Variants in LRRTM4 observed in about 807,000 individuals in gnomAD.
LRRTM4 encodes the protein leucine rich repeat transmembrane neuronal 4, also known as leucine-rich repeat transmembrane neuronal protein 4.
Under a neutral mutation model 47.6 loss-of-function variants are expected in LRRTM4, and 25 were observed. The observed-to-expected ratio is 0.53, with a 90% CI of 0.38 to 0.73. LRRTM4 has a LOEUF of 0.73. Ranked by LOEUF, LRRTM4 falls within the 30% of genes least tolerant of loss-of-function variation. The pLI, the probability that LRRTM4 is intolerant of heterozygous loss-of-function variation, is 0.00. For missense variants in LRRTM4, 638 were observed against 713.4 expected (o/e 0.89, Z 1.20); for synonymous variants, 311 against 269.5 (o/e 1.15, Z -1.51).
chr2:77,393,581 A>G (rs1673587464), intron 3 of LRRTM4, among the ~76,000 whole-genome samples: 2 of 152,108 alleles, frequency 1.3e-5, no homozygotes, highest in South Asian at 4.1e-4. Context: ...TTTATCCGGA[A>G]GGCTCTGGGG....
intron 3 of LRRTM4, among the ~76,000 whole-genome samples, chr2:77,265,043 T>C (rs1200957520): frequency 1.3e-5 from 2 of 152,094 alleles, no homozygotes; most frequent in African/African-American, 2.4e-5. Flanking sequence ...CTTTTGTAAG[T>C]TGAGAAAGCC....
intron 3 of LRRTM4, among the ~76,000 whole-genome samples, chr2:76,905,644 G>C (rs982431235): frequency 1.1e-5 from 1 of 92,188 alleles, no homozygotes; most frequent in Admixed American, 1.4e-4. Context: ...ATACAGAGAA[G>C]TGCTTAAAGG....
intron 3 of LRRTM4, among the ~76,000 whole-genome samples, chr2:76,988,261 G>A (rs1354754903): frequency 1.3e-5 from 2 of 151,858 alleles, no homozygotes; most frequent in South Asian, 2.1e-4. Flanking sequence ...TAATTTCATA[G>A]CAAGTCTCCT....
At chr2:77,329,876 T>C (rs1171948993) in intron 3 of LRRTM4, among the ~76,000 whole-genome samples, 13 of 152,058 alleles carry the variant, frequency 8.5e-5, no homozygotes, top group Admixed American at 8.5e-4. Context: ...CTGACAACGG[T>C]GAATGCGTTA....
chr2:76,783,265 G>C (rs544907814), intron 3 of LRRTM4, among the ~76,000 whole-genome samples: 2 of 152,152 alleles, frequency 1.3e-5, no homozygotes, highest in East Asian at 3.9e-4. Flanking sequence ...GGTGATATCT[G>C]GGAATCCACC....
chr2:77,416,840 A>G lies in LRRTM4; in HGVS notation c.1551+101478T>C, dbSNP rs529543332. Among the ~76,000 whole-genome samples the G allele has an allele frequency of 8.5e-5, 13 of 152,210 alleles. No homozygotes were observed. In the East Asian group the frequency reaches 2.5e-3, roughly 29 times the overall value. On this transcript the variant is annotated intron_variant, in intron 3 of 3. Coordinates refer to ENST00000409884, the MANE Select transcript of LRRTM4 (RefSeq NM_001134745.3). The stretch of plus-strand genomic sequence containing the variant: ...AAGAGGTCCAGTAAAATACTGTAAT[A>G]TTTTATTTTTTTAGGTCTATTTATA...
chr2:77,248,819 T>C (rs1053751494), intron 3 of LRRTM4, among the ~76,000 whole-genome samples: 3 of 152,036 alleles, frequency 2.0e-5, no homozygotes, highest in African/African-American at 4.8e-5. Context: ...CAACAAATGA[T>C]GTCAGAACAA....
At chr2:76,843,508 A>G (rs1012855395) in intron 3 of LRRTM4, among the ~76,000 whole-genome samples, 15 of 152,232 alleles carry the variant, frequency 9.9e-5, no homozygotes, top group African/African-American at 2.7e-4. Flanking sequence ...CCTAAATCCC[A>G]GTTCTCATTC....
chr2:76,779,940 C>G (rs1314302463), intron 3 of LRRTM4, among the ~76,000 whole-genome samples: 2 of 151,820 alleles, frequency 1.3e-5, no homozygotes, highest in African/African-American at 4.8e-5. Context: ...TTCAGGAGCT[C>G]TTGTAAGGCA....
At chr2:77,290,672 T>C (rs1331907410) in intron 3 of LRRTM4, among the ~76,000 whole-genome samples, 1 of 152,036 alleles carries the variant, frequency 6.6e-6, no homozygotes, top group Admixed American at 6.6e-5. Context: ...AAATATATAC[T>C]ATTATTCAGT....
intron 3 of LRRTM4, among the ~76,000 whole-genome samples, chr2:77,417,924 A>C (rs556303886): frequency 6.0e-4 from 92 of 152,292 alleles, no homozygotes; most frequent in Non-Finnish European, 1.1e-3. Context: ...AAAAAGAAAA[A>C]TATACCACTC....
chr2:76,781,355 G>A (rs1646901596), intron 3 of LRRTM4, among the ~76,000 whole-genome samples: 1 of 152,254 alleles, frequency 6.6e-6, no homozygotes, highest in Admixed American at 6.5e-5. Context: ...CCCCAGCCTG[G>A]CTGCCGCCTT....
intron 3 of LRRTM4, among the ~76,000 whole-genome samples, chr2:76,972,412 C>T (rs1573386925): frequency 1.0e-5 from 1 of 95,254 alleles, no homozygotes; most frequent in African/African-American, 4.3e-5. Context: ...TCATTGAACA[C>T]TTTTTTTTTT....
At chr2:77,243,211 G>A (rs1478596445) in intron 3 of LRRTM4, among the ~76,000 whole-genome samples, 1 of 151,932 alleles carries the variant, frequency 6.6e-6, no homozygotes, top group Non-Finnish European at 1.5e-5. Context: ...TCAGGAGTTC[G>A]AGAACAGCCT....
chr2:76,805,232 T>A (rs889819797), intron 3 of LRRTM4, among the ~76,000 whole-genome samples: 1 of 152,008 alleles, frequency 6.6e-6, no homozygotes, highest in African/African-American at 2.4e-5. Flanking sequence ...CCCTAAAAAA[T>A]TGTGTACAAA....
chr2:77,034,687 A>G (rs1471856101), intron 3 of LRRTM4, among the ~76,000 whole-genome samples: 1 of 151,824 alleles, frequency 6.6e-6, no homozygotes, highest in Non-Finnish European at 1.5e-5. Context: ...AGGTTTGATC[A>G]CTTTGGTCGG....
intron 3 of LRRTM4, among the ~76,000 whole-genome samples, chr2:77,367,084 A>T (rs1322236322): frequency 6.6e-6 from 1 of 151,550 alleles, no homozygotes; most frequent in South Asian, 2.1e-4. Flanking sequence ...CATATTCTCT[A>T]TGTCCTCCAT....
chr2:76,846,337 T>G (rs2103954271), intron 3 of LRRTM4, among the ~76,000 whole-genome samples: 1 of 152,278 alleles, frequency 6.6e-6, no homozygotes, highest in South Asian at 2.1e-4. Context: ...TTCTTCAAGT[T>G]GCCCTGGTCC....
intron 3 of LRRTM4, among the ~76,000 whole-genome samples, chr2:77,010,879 T>C (rs895305254): frequency 6.6e-6 from 1 of 152,138 alleles, no homozygotes; most frequent in South Asian, 2.1e-4. Flanking sequence ...TTAGGGGCCA[T>C]GGAAGGTGAT....
Sources: allele counts gnomAD v4.1 joint callset (sites outside exome capture counted in the v4.1 genomes callset), GRCh38; gene constraint gnomAD v4.1.1; transcripts MANE v1.5; gene names NCBI Gene and HGNC (gene_info 2026-07-23, HGNC 2026-07-21).